The following MIR2052HG variants were observed in gnomAD, a reference collection of about 807,000 sequenced individuals.
MIR2052HG encodes MIR2052 host gene.
intron 2 of MIR2052HG, among the ~76,000 whole-genome samples, chr8:74,685,034 C>A (rs960978369): frequency 9.2e-5 from 14 of 152,030 alleles, no homozygotes; most frequent in Non-Finnish European, 1.9e-4. Flanking sequence ...GACTCATAAT[C>A]TTTGCCTGTA....
chr8:74,735,876 C>CT (rs886629253), intron 4 of MIR2052HG, among the ~76,000 whole-genome samples: 1 of 152,168 alleles, frequency 6.6e-6, no homozygotes, highest in African/African-American at 2.4e-5. Flanking sequence ...TAACATCTCT[C>CT]TTAGTGCAAC....
rs1809874522 is a variant in MIR2052HG, at chr8:74,745,517, C to T, written n.372-6924C>T. Among the ~76,000 whole-genome samples, 2 of 152,012 alleles carry T rather than the reference C, an allele frequency of 1.3e-5. 1 individual carries two copies. The highest frequency in any genetic ancestry group is 4.1e-4 in the South Asian group (2 of 4,822). On this transcript the variant is annotated intron_variant and non_coding_transcript_variant, in intron 4 of 6. Transcript: ENST00000523442. The stretch of plus-strand genomic sequence containing the variant: ...GATGAATCGATAGTAGCAGAATCTC[C>T]ATGGCAGGCATATTATTGGAGATGA...
chr8:74,715,236 C>T (rs1295450667), intron 4 of MIR2052HG, among the ~76,000 whole-genome samples: 1 of 152,154 alleles, frequency 6.6e-6, no homozygotes, highest in East Asian at 1.9e-4. Flanking sequence ...CCTGCAGCTA[C>T]TTAAAAGACA....
intron 2 of MIR2052HG, among the ~76,000 whole-genome samples, chr8:74,687,612 A>C (rs1809196041): frequency 6.6e-6 from 1 of 152,148 alleles, no homozygotes; most frequent in Non-Finnish European, 1.5e-5. Flanking sequence ...GATTCTGCTT[A>C]CATGAGATAT....
intron 2 of MIR2052HG, among the ~76,000 whole-genome samples, chr8:74,669,793 A>G (rs1808971059): frequency 6.6e-6 from 1 of 152,120 alleles, no homozygotes; most frequent in African/African-American, 2.4e-5. Flanking sequence ...ATCTCTTCAG[A>G]GAGGTCATCC....
At chr8:74,751,963 A>G (rs1055154909) in intron 4 of MIR2052HG, among the ~76,000 whole-genome samples, 11 of 152,180 alleles carry the variant, frequency 7.2e-5, no homozygotes, top group Non-Finnish European at 1.3e-4. Flanking sequence ...ATCCAAATAC[A>G]TTGTCAGCAG....
At position 74,686,505 on chromosome 8, in the gene MIR2052HG, C is replaced by A. The variant is rs1340333151; in HGVS notation, n.217-15874C>A. 3.3e-5 allele frequency among the ~76,000 whole-genome samples: 5 copies of A among 151,932 alleles called. No homozygotes were observed. In the East Asian group the frequency reaches 7.7e-4, roughly 23 times the overall value. On this transcript the variant is annotated intron_variant and non_coding_transcript_variant, in intron 2 of 6. Transcript: ENST00000523442. ...GCTATATGCCAGACATTCTACCATG[C>A]CCCAAAATACAGAAAAAGAGATTAG...
At chr8:74,633,923 C>G (rs1808550646) in intron 2 of MIR2052HG, among the ~76,000 whole-genome samples, 1 of 152,154 alleles carries the variant, frequency 6.6e-6, no homozygotes, top group African/African-American at 2.4e-5. Flanking sequence ...TGCAGTCTTT[C>G]ATTGGCTTAT....
At chr8:74,600,137 T>A (rs1279303521) in intron 1 of MIR2052HG, among the ~76,000 whole-genome samples, 1 of 152,150 alleles carries the variant, frequency 6.6e-6, no homozygotes, top group Non-Finnish European at 1.5e-5. Context: ...TGGCACTCCC[T>A]AGTGAGATGA....
chr8:74,692,773 T>C (rs892436027), intron 2 of MIR2052HG, among the ~76,000 whole-genome samples: 1 of 152,238 alleles, frequency 6.6e-6, no homozygotes, highest in Non-Finnish European at 1.5e-5. Flanking sequence ...TCTGTCTTAG[T>C]AAAACTGATT....
At chr8:74,647,789 TA>T (rs1808705383) in intron 2 of MIR2052HG, among the ~76,000 whole-genome samples, 1 of 152,218 alleles carries the variant, frequency 6.6e-6, no homozygotes, top group Non-Finnish European at 1.5e-5. Context: ...AATACTTTTA[TA>T]ATTCCTTATG....
At chr8:74,679,630 A>G (rs1809098183) in intron 2 of MIR2052HG, among the ~76,000 whole-genome samples, 1 of 151,518 alleles carries the variant, frequency 6.6e-6, no homozygotes, top group Admixed American at 6.6e-5. Flanking sequence ...GGTTCAAGCA[A>G]TTCTACCTCA....
At chr8:74,679,031 G>T (rs1327009598) in intron 2 of MIR2052HG, among the ~76,000 whole-genome samples, 3 of 152,106 alleles carry the variant, frequency 2.0e-5, no homozygotes. Flanking sequence ...ATCAGAATTG[G>T]AATAGAAGAG....
chr8:74,652,014 C>T (rs745574578), intron 2 of MIR2052HG, among the ~76,000 whole-genome samples: 2 of 152,150 alleles, frequency 1.3e-5, no homozygotes, highest in Non-Finnish European at 2.9e-5. Context: ...ACTGTCTCGC[C>T]TTATTTCTCA....
At chr8:74,733,423 A>C (rs867504109) in intron 4 of MIR2052HG, among the ~76,000 whole-genome samples, 149 of 152,140 alleles carry the variant, frequency 9.8e-4, no homozygotes, top group Middle Eastern at 3.4e-3. Flanking sequence ...ATCATTTTTT[A>C]TGGCTGCATA....
At chr8:74,599,901 C>T (rs1189164145) in exon 1 of MIR2052HG, 4 of 165,392 alleles carry the variant, frequency 2.4e-5, no homozygotes, top group Non-Finnish European at 2.6e-5. Flanking sequence ...TAGGACCCTC[C>T]GAGCCAGGTG....
intron 2 of MIR2052HG, among the ~76,000 whole-genome samples, chr8:74,643,492 C>G (rs143393823): frequency 6.6e-6 from 1 of 152,106 alleles, no homozygotes; most frequent in African/African-American, 2.4e-5. Flanking sequence ...TTTTCGTTCT[C>G]GTGGTTTTAC....
At chr8:74,706,638 A>G (rs1337386763) in intron 4 of MIR2052HG, among the ~76,000 whole-genome samples, 1 of 152,134 alleles carries the variant, frequency 6.6e-6, no homozygotes, top group Non-Finnish European at 1.5e-5. Flanking sequence ...GAGAGCAGGT[A>G]AAGAAAACCA....
chr8:74,672,369 G>A (rs974682645), intron 2 of MIR2052HG, among the ~76,000 whole-genome samples: 1 of 152,042 alleles, frequency 6.6e-6, no homozygotes, highest in African/African-American at 2.4e-5. Context: ...GTGAATCATA[G>A]CATAATATTA....
Sources: gnomAD v4.1 joint callset for allele counts (sites outside exome capture counted in the v4.1 genomes callset) on GRCh38, gnomAD v4.1.1 for gene constraint, MANE v1.5 for transcripts, NCBI Gene and HGNC (gene_info 2026-07-23, HGNC 2026-07-21) for gene names.